Variants in MMRN1 observed in about 807,000 individuals in gnomAD.
MMRN1 encodes multimerin-1.
Under a neutral mutation model 100.7 loss-of-function variants are expected in MMRN1, and 94 were observed. The observed-to-expected ratio is 0.93, with a 90% CI of 0.79 to 1.11. MMRN1 has a LOEUF of 1.11. Among genes scored for constraint, MMRN1 ranks in the 50% least tolerant of loss-of-function variants. The probability of loss-of-function intolerance (pLI) is 0.00; values close to 1 mark genes in which losing one functional copy is unlikely to be tolerated. For missense variants in MMRN1, 1,606 were observed against 1,439.1 expected (o/e 1.12, Z -1.88); for synonymous variants, 575 against 505.0 (o/e 1.14, Z -1.86).
At chr4:89,912,390 T>C (rs1005280010) in intron 3 of MMRN1, among the ~76,000 whole-genome samples, 3 of 151,412 alleles carry the variant, frequency 2.0e-5, no homozygotes, top group Admixed American at 6.6e-5. Flanking sequence ...AAAGTGTTAT[T>C]AGAAGTGACT....
At chr4:89,941,178 G>A (rs1022372302) in intron 6 of MMRN1, among the ~76,000 whole-genome samples, 7 of 152,078 alleles carry the variant, frequency 4.6e-5, no homozygotes, top group Non-Finnish European at 8.8e-5. Flanking sequence ...GTTAAATTTT[G>A]AAAGCTATCT....
chr4:89,890,812 T>C (rs1721038660), upstream of MMRN1, among the ~76,000 whole-genome samples: 1 of 152,132 alleles, frequency 6.6e-6, no homozygotes, highest in South Asian at 2.1e-4. Context: ...TTTGGTCATC[T>C]TTATCAGTAT....
intron 4 of MMRN1, among the ~76,000 whole-genome samples, chr4:89,925,328 T>TC (rs982678057): frequency 3.8e-5 from 5 of 132,568 alleles, no homozygotes. Context: ...TTTTTTTTTT[T>TC]GTAGAGACGA....
chr4:89,881,392 T>C (rs1720811905), intron 1 of MMRN1, among the ~76,000 whole-genome samples: 1 of 152,102 alleles, frequency 6.6e-6, no homozygotes. Context: ...TTTCTAGTCA[T>C]GACATACAAA....
At chr4:89,919,463 T>C (rs1197562228) in intron 3 of MMRN1, among the ~76,000 whole-genome samples, 1 of 151,756 alleles carries the variant, frequency 6.6e-6, no homozygotes, top group East Asian at 1.9e-4. Context: ...TATACAAATT[T>C]GTAGGATTGT....
At chr4:89,914,286 T>C (rs573973781) in intron 3 of MMRN1, among the ~76,000 whole-genome samples, 3 of 151,564 alleles carry the variant, frequency 2.0e-5, no homozygotes, top group Non-Finnish European at 4.4e-5. Flanking sequence ...CTTTCTTTTA[T>C]ACCCTTCTTT....
chr4:89,937,001 C>T (rs191542880), intron 6 of MMRN1, among the ~76,000 whole-genome samples: 1 of 151,980 alleles, frequency 6.6e-6, no homozygotes, highest in African/African-American at 2.4e-5. Flanking sequence ...ACAAATATTT[C>T]TAGTGTATAT....
chr4:89,896,128 G>C (rs1487282850), intron 1 of MMRN1, among the ~76,000 whole-genome samples: 1 of 152,098 alleles, frequency 6.6e-6, no homozygotes, highest in African/African-American at 2.4e-5. Flanking sequence ...GTGAACCTCA[G>C]TTTCTTCATA....
intron 3 of MMRN1, among the ~76,000 whole-genome samples, chr4:89,917,396 C>T (rs900297143): frequency 2.6e-5 from 4 of 151,738 alleles, no homozygotes; most frequent in East Asian, 1.9e-4. Flanking sequence ...TTCGGGATCA[C>T]GAGCACCCAA....
chr4:89,895,372 T>A lies in MMRN1; in HGVS notation c.401T>A (p.Leu134His). The part of the protein sequence containing the change: ...KFNPGAESVV[L>H]SNSTLKFLQS... ...AATCCTGGAGCAGAATCAGTGGTCC[T>A]TTCCAATTCTACACTGAAATTTCTT... is the stretch of plus-strand genomic sequence containing the variant. The change falls in exon 1 of 8, where the codon CTT becomes CAT. Residue 134 changes from leucine (L) to histidine (H), a missense_variant. Coordinates refer to ENST00000264790, the MANE Select transcript of MMRN1 (RefSeq NM_007351.3). 2 of 1,613,940 alleles carry A rather than the reference T, an allele frequency of 1.2e-6. No individual in the cohort carries two copies. The highest frequency in any genetic ancestry group is 2.7e-5 in the African/African-American group (2 of 75,006).
chr4:89,896,160 A>C (rs1372509), intron 1 of MMRN1, among the ~76,000 whole-genome samples: 1 of 151,824 alleles, frequency 6.6e-6, no homozygotes, highest in Admixed American at 6.6e-5. Flanking sequence ...GATTTAATAC[A>C]AGGAATGTCA....
chr4:89,896,266 A>G (rs947467322), intron 1 of MMRN1, among the ~76,000 whole-genome samples: 4 of 152,190 alleles, frequency 2.6e-5, no homozygotes, highest in African/African-American at 9.6e-5. Context: ...CAACAACTCA[A>G]ATTTTGCTAG....
At chr4:89,952,897 TA>T in intron 7 of MMRN1, 99 bp from the exon 8 acceptor site, 2 of 1,215,408 alleles carry the variant, frequency 1.6e-6, no homozygotes, top group Non-Finnish European at 2.3e-6. Context: ...TCTCTTCTGC[TA>T]AGACTTTTTG....
chr4:89,888,979 C>A (rs910365455), intron 1 of MMRN1, among the ~76,000 whole-genome samples: 27 of 151,776 alleles, frequency 1.8e-4, no homozygotes, highest in African/African-American at 6.1e-4. Context: ...ATTTGTCTTA[C>A]AATTTTTATT....
chr4:89,891,693 A>G (rs1316939257), upstream of MMRN1, among the ~76,000 whole-genome samples: 1 of 149,724 alleles, frequency 6.7e-6, no homozygotes, highest in Non-Finnish European at 1.5e-5. Flanking sequence ...TATTTTTCAA[A>G]CACCATTAAA....
At chr4:89,921,240 G>C (rs986139313) in intron 3 of MMRN1, among the ~76,000 whole-genome samples, 1 of 151,846 alleles carries the variant, frequency 6.6e-6, no homozygotes, top group African/African-American at 2.4e-5. Flanking sequence ...AAATTCACCT[G>C]TTCTTACTGC....
At position 89,935,785 on chromosome 4, in the gene MMRN1, T is replaced by C; in HGVS notation, c.2105T>C (p.Leu702Pro). The C allele has an allele frequency of 6.2e-7, 1 of 1,612,916 alleles. No homozygotes were observed. The highest frequency in any genetic ancestry group is 1.3e-5 in the African/African-American group (1 of 74,968). The change falls in exon 6 of 8, where the codon CTT becomes CCT. Residue 702 changes from leucine to proline, a missense_variant. Physicochemically the swap from Leu to Pro is moderately conservative, Grantham distance 98. Transcript: ENST00000264790. The part of the protein sequence containing the change: ...IKELTKRHNL[L>P]RNEVQGRDDA... ...GAACTTACAAAAAGACACAACTTAC[T>C]TAGAAATGAAGTACAGGGTCGTGAT...
At chr4:89,952,570 T>G (rs1224854366) in intron 7 of MMRN1, among the ~76,000 whole-genome samples, 1 of 152,224 alleles carries the variant, frequency 6.6e-6, no homozygotes, top group Non-Finnish European at 1.5e-5. Context: ...CTTTAGAAAC[T>G]GCTTGACAAG....
rs1161104607 is a variant in MMRN1, at chr4:89,935,132, G to A, written c.1452G>A (p.Lys484=). ...CEKPIKELEV[K]QTHLEGALEQ... ...AGCCTATTAAAGAACTAGAAGTAAA[G>A]CAGACTCATTTAGAAGGTGCTCTAG... The change falls in exon 6 of 8, where the codon AAG becomes AAA. Residue 484 remains lysine, a synonymous_variant. Transcript: ENST00000264790. The A allele has an allele frequency of 6.2e-7, 1 of 1,613,600 alleles. No homozygotes were observed. Among genetic ancestry groups the A allele is most frequent in the Non-Finnish European group, 8.5e-7 (1 of 1,179,724 alleles).
Sources: allele counts gnomAD v4.1 joint callset (sites outside exome capture counted in the v4.1 genomes callset), GRCh38; gene constraint gnomAD v4.1.1; transcripts MANE v1.5; gene names NCBI Gene and HGNC (gene_info 2026-07-23, HGNC 2026-07-21).